RGS12: variants seen among roughly 807,000 people sequenced by gnomAD.
RGS12 encodes regulator of G-protein signaling 12.
Under a neutral mutation model 120.1 loss-of-function variants are expected in RGS12, and 66 were observed. That is an observed-to-expected ratio of 0.55 (90% confidence interval 0.45 to 0.67). The LOEUF (loss-of-function observed/expected upper bound fraction) is 0.67, where lower values mean the gene tolerates loss of function less well. RGS12 is among the 30% of genes least tolerant of loss of function. RGS12 has a pLI of 0.00. For synonymous variants in RGS12, 827 were observed against 804.7 expected (o/e 1.03, Z -0.47); for missense variants, 1,859 against 1,957.7 (o/e 0.95, Z 0.95).
At chr4:3,370,010 G>A in intron 3 of RGS12, 1 of 1,245,324 alleles carries the variant, frequency 8.0e-7, no homozygotes, top group Non-Finnish European at 1.0e-6. Flanking sequence ...CTTCTGATTT[G>A]GTAGAGGAAA....
chr4:3,362,634 TGA>T (rs201003504), intron 3 of RGS12, among the ~76,000 whole-genome samples: 2,019 of 121,302 alleles, frequency 0.017, 54 homozygotes, highest in African/African-American at 0.057. Flanking sequence ...TGTGTGAATG[TGA>T]GAGTGAGGGT....
rs541763127 is a variant in RGS12, at chr4:3,328,774, T to C, written c.1881+10723T>C. Among the ~76,000 whole-genome samples the C allele has an allele frequency of 1.2e-4, 19 of 152,054 alleles. No homozygotes were observed. In the East Asian group the frequency reaches 3.3e-3, roughly 26 times the overall value. Reference sequence around the variant, plus strand: ...AAGTCAGCCGGAGCTGTGTTGGGAGTGTTGGTTTATAATTTTCTCCTGTAA... The same window carrying C: ...AAGTCAGCCGGAGCTGTGTTGGGAGCGTTGGTTTATAATTTTCTCCTGTAA... On this transcript the variant is annotated intron_variant, in intron 2 of 17. Transcript: ENST00000336727.
chr4:3,344,275 G>A (rs752181893), intron 3 of RGS12, among the ~76,000 whole-genome samples: 10 of 152,222 alleles, frequency 6.6e-5, no homozygotes, highest in Non-Finnish European at 1.0e-4. Context: ...CTCGAGGGCA[G>A]GTCAGGGCTA....
chr4:3,428,044 G>A (rs751221720), intron 14 of RGS12, 46 bp from the exon 15 acceptor site: 4 of 1,557,550 alleles, frequency 2.6e-6, no homozygotes, highest in Non-Finnish European at 3.5e-6. Flanking sequence ...GAAACATTCA[G>A]ATGGATTTGC....
In RGS12 at chr4:3,389,694, A is replaced by G. The variant is rs988815777; in HGVS notation, c.2020+3257A>G. Among the ~76,000 whole-genome samples, 1 of 152,100 alleles carries G rather than the reference A, an allele frequency of 6.6e-6. No homozygotes were observed. Among genetic ancestry groups the G allele is most frequent in the African/African-American group, 2.4e-5 (1 of 41,398 alleles). On this transcript the variant is annotated intron_variant, in intron 4 of 17. Coordinates refer to ENST00000336727, the MANE Select transcript of RGS12 (RefSeq NM_001394154.1). The surrounding 1 kb of genome is among the most constrained non-coding windows in gnomAD (Gnocchi z 5.2). Reference sequence around the variant, plus strand: ...CTTCTGAAGTCGGGGTGTGGAGACTATCGGGGAGCTCCCAGAGCGCCCACC... The same window carrying G: ...CTTCTGAAGTCGGGGTGTGGAGACTGTCGGGGAGCTCCCAGAGCGCCCACC...
At chr4:3,381,795 C>T (rs548301839) in intron 3 of RGS12, among the ~76,000 whole-genome samples, 3 of 152,212 alleles carry the variant, frequency 2.0e-5, no homozygotes, top group Non-Finnish European at 4.4e-5. Context: ...CTGCTGTCCT[C>T]CAAGTTTTCA....
intron 2 of RGS12, among the ~76,000 whole-genome samples, chr4:3,339,015 G>T (rs896544565): frequency 6.6e-6 from 1 of 152,196 alleles, no homozygotes; most frequent in African/African-American, 2.4e-5. Context: ...TCCATGAGTT[G>T]ATTTAGTGCT....
At chr4:3,412,219 G>A (rs992061457) in intron 4 of RGS12, among the ~76,000 whole-genome samples, 4 of 152,232 alleles carry the variant, frequency 2.6e-5, no homozygotes, top group Admixed American at 6.5e-5. Flanking sequence ...CTGCCATGCT[G>A]ACCATGAGGG....
intron 2 of RGS12, among the ~76,000 whole-genome samples, chr4:3,330,256 A>G (rs1252275243): frequency 6.6e-6 from 1 of 152,216 alleles, no homozygotes; most frequent in African/African-American, 2.4e-5. Flanking sequence ...ACTGTGAGCA[A>G]TCCTAGACAC....
chr4:3,293,517 C>A (rs1199364622), intron 1 of RGS12, among the ~76,000 whole-genome samples: 1 of 152,050 alleles, frequency 6.6e-6, no homozygotes, highest in African/African-American at 2.4e-5. Flanking sequence ...ACTCCACGAG[C>A]GGCCGCTTTG....
chr4:3,393,309 C>T (rs1462133960), intron 4 of RGS12, among the ~76,000 whole-genome samples: 4 of 152,218 alleles, frequency 2.6e-5, no homozygotes, highest in Non-Finnish European at 5.9e-5. Flanking sequence ...CGCCGCAGCC[C>T]CCGGCTGATC....
intron 4 of RGS12, among the ~76,000 whole-genome samples, chr4:3,395,081 T>A (rs1203635557): frequency 6.6e-6 from 1 of 152,050 alleles, no homozygotes; most frequent in Non-Finnish European, 1.5e-5. Context: ...TAATCCCAGC[T>A]ACTAGGGTAG....
intron 3 of RGS12, chr4:3,370,156 A>G: frequency 6.4e-7 from 1 of 1,557,026 alleles, no homozygotes; most frequent in Non-Finnish European, 8.7e-7. Flanking sequence ...TTACGAAGGG[A>G]GCGAGAGGGA....
At chr4:3,376,763 C>T (rs555458765) in intron 3 of RGS12, among the ~76,000 whole-genome samples, 1 of 152,312 alleles carries the variant, frequency 6.6e-6, no homozygotes, top group East Asian at 1.9e-4. Context: ...GCAGAGAGCA[C>T]CCCAGCATGT....
At chr4:3,383,860 C>T (rs1718531510) in intron 3 of RGS12, among the ~76,000 whole-genome samples, 1 of 152,176 alleles carries the variant, frequency 6.6e-6, no homozygotes, top group South Asian at 2.1e-4. Flanking sequence ...GCCACCTTCT[C>T]CTTCAGTCTG....
intron 6 of RGS12, among the ~76,000 whole-genome samples, chr4:3,415,749 A>G (rs1056920004): frequency 7.2e-5 from 11 of 152,244 alleles, no homozygotes; most frequent in Admixed American, 4.6e-4. Context: ...CTGGGCTAGC[A>G]TCGCCCGGGT....
At chr4:3,439,001 A>T (rs1725066774) in intron 17 of RGS12, among the ~76,000 whole-genome samples, 2 of 151,958 alleles carry the variant, frequency 1.3e-5, no homozygotes, top group African/African-American at 4.8e-5. Context: ...GGCCCGTTCC[A>T]CCAGGCCAAG....
At position 3,319,265 on chromosome 4, in the gene RGS12, G is replaced by C. The variant is rs576791655; in HGVS notation, c.1881+1214G>C. On this transcript the variant is annotated intron_variant, in intron 2 of 17. Coordinates refer to ENST00000336727, the MANE Select transcript of RGS12 (RefSeq NM_001394154.1). ...TGTTGCAGCCACTGCACTCTAGCCT[G>C]GGTGACAGAGCGAGACTCTGGCTCT... is the stretch of plus-strand genomic sequence containing the variant. 3.9e-5 allele frequency among the ~76,000 whole-genome samples: 6 copies of C among 152,262 alleles called. No homozygotes were observed. The East Asian group carries it at 1.2e-3, about 29-fold the overall frequency.
chr4:3,411,974 C>A (rs1721784404), intron 4 of RGS12, among the ~76,000 whole-genome samples: 1 of 152,176 alleles, frequency 6.6e-6, no homozygotes, highest in Admixed American at 6.5e-5. Flanking sequence ...TCTGAAACTT[C>A]AGTGCGTGCT....
Sources: allele counts gnomAD v4.1 joint callset (sites outside exome capture counted in the v4.1 genomes callset), GRCh38; gene constraint gnomAD v4.1.1; non-coding constraint Gnocchi (gnomAD v3.1); transcripts MANE v1.5; gene names NCBI Gene and HGNC (gene_info 2026-07-23, HGNC 2026-07-21).